Variants in TGM2 observed in about 807,000 individuals in gnomAD.
TGM2 encodes protein-glutamine gamma-glutamyltransferase 2.
A neutral mutation model predicts 75.6 loss-of-function variants in TGM2; 53 were observed. That is an observed-to-expected ratio of 0.70 (90% CI 0.56 to 0.88). TGM2 has a LOEUF of 0.88. Among genes scored for constraint, TGM2 ranks in the 40% least tolerant of loss-of-function variants. The pLI, the probability that TGM2 is intolerant of heterozygous loss-of-function variation, is 0.00. For synonymous variants in TGM2, 374 were observed against 381.1 expected (o/e 0.98, Z 0.22); for missense variants, 842 against 928.5 (o/e 0.91, Z 1.21).
chr20:38,155,702 G>C, intron 3 of TGM2, 145 bp downstream of exon 3: 1 of 1,302,698 alleles, frequency 7.7e-7, no homozygotes, highest in Non-Finnish European at 1.0e-6. Context: ...TGAGGGTTTT[G>C]TGAGGCTGGA....
At chr20:38,161,373 AGTG>A (rs372765546) in intron 2 of TGM2, 44 bp downstream of exon 2, 1,406 of 1,561,324 alleles carry the variant, frequency 9.0e-4, no homozygotes, top group Non-Finnish European at 1.0e-3. Flanking sequence ...GTGGAGAGGA[AGTG>A]GTGGTGGTGG....
intron 6 of TGM2, among the ~76,000 whole-genome samples, chr20:38,143,383 A>T (rs992542506): frequency 3.9e-5 from 6 of 152,198 alleles, no homozygotes; most frequent in African/African-American, 1.2e-4. Flanking sequence ...GTACAAGAAC[A>T]CGGATGCACG....
chr20:38,168,362 C>A (rs2075325753), upstream of TGM2, among the ~76,000 whole-genome samples: 2 of 152,210 alleles, frequency 1.3e-5, no homozygotes, highest in African/African-American at 2.4e-5. Context: ...GGAAACTGTG[C>A]CCTGTCTTAC....
chr20:38,158,236 T>C (rs2075211263), intron 2 of TGM2, among the ~76,000 whole-genome samples: 1 of 152,210 alleles, frequency 6.6e-6, no homozygotes, highest in South Asian at 2.1e-4. Flanking sequence ...GGGGCAGCCA[T>C]GCACACACAC....
intron 4 of TGM2, among the ~76,000 whole-genome samples, chr20:38,148,724 G>C (rs2075077170): frequency 6.6e-6 from 1 of 152,120 alleles, no homozygotes; most frequent in African/African-American, 2.4e-5. Context: ...ACTCTGCCCA[G>C]GCTCACTGCC....
At chr20:38,131,936 G>A (rs994896324) in intron 11 of TGM2, among the ~76,000 whole-genome samples, 2 of 152,048 alleles carry the variant, frequency 1.3e-5, no homozygotes, top group Admixed American at 1.3e-4. Context: ...CTGAGGCACA[G>A]AGGGGCAAAC....
At chr20:38,142,534 C>T (rs565955944) in intron 6 of TGM2, among the ~76,000 whole-genome samples, 1 of 152,218 alleles carries the variant, frequency 6.6e-6, no homozygotes, top group South Asian at 2.1e-4. Flanking sequence ...GGTGAAACCC[C>T]GTCTCTACTA....
intron 10 of TGM2, among the ~76,000 whole-genome samples, chr20:38,136,845 CCT>C (rs1343880438): frequency 6.6e-6 from 1 of 152,160 alleles, no homozygotes; most frequent in Non-Finnish European, 1.5e-5. Context: ...GGCCACGGCT[CCT>C]CTGAGGGCCT....
rs150712844 is a variant in TGM2 at position 38,132,341 on chromosome 20, C to T, written c.1775G>A (p.Arg592Gln). The T allele has an allele frequency of 5.3e-5, 86 of 1,613,956 alleles. No individual in the cohort carries two copies. Among genetic ancestry groups the T allele is most frequent in the African/African-American group, 5.2e-4 (39 of 74,892 alleles). Residue 592 changes from arginine (R) to glutamine (Q), a missense_variant and splice_region_variant, in exon 11 of 13, where the codon CGG becomes CAG. By Grantham distance (43) the Arg-to-Gln change is conservative. Transcript: ENST00000361475. Reference protein sequence around the residue: ...LYLENPEIKIRILGEPKQKRK... With the variant: ...LYLENPEIKIQILGEPKQKRK... ...GCCCCTTGCCCAGCCTGCCCTTACC[C>T]GGATCTTGATTTCTGGATTCTCCAG...
At chr20:38,157,655 A>G (rs898157122) in intron 2 of TGM2, among the ~76,000 whole-genome samples, 2 of 152,192 alleles carry the variant, frequency 1.3e-5, no homozygotes, top group African/African-American at 2.4e-5. Flanking sequence ...GGTTGTTGTG[A>G]AGCTTAAAGA....
upstream of TGM2, chr20:38,165,297 A>G (rs1264156947): frequency 4.5e-6 from 7 of 1,564,870 alleles, no homozygotes; most frequent in South Asian, 1.1e-5. Context: ...GCGCTAACTT[A>G]TAGCCCGCTT....
chr20:38,131,150 C>T lies in TGM2; in HGVS notation c.1856G>A (p.Gly619Asp), dbSNP rs371812638. The change falls in exon 12 of 13, where the codon GGC becomes GAC. Residue 619 changes from glycine to aspartate, a missense_variant. Physicochemically the swap from Gly to Asp is moderately conservative, Grantham distance 94. Transcript: ENST00000361475. ...GGCCCCCTCCACAGTGAAGGTGCAGCCTTCCAGGGCCACAGGGAGCGGGTT... is the reference window on the plus strand; with the variant it reads ...GGCCCCCTCCACAGTGAAGGTGCAGTCTTCCAGGGCCACAGGGAGCGGGTT... The part of the protein sequence containing the change: ...LQNPLPVALE[G>D]CTFTVEGAGL... 69 of 1,613,676 alleles carry T rather than the reference C, an allele frequency of 4.3e-5. No homozygotes were observed. The highest frequency in any genetic ancestry group is 5.6e-5 in the Non-Finnish European group (66 of 1,180,018).
chr20:38,153,102 G>A (rs1230692818), intron 3 of TGM2, among the ~76,000 whole-genome samples: 1 of 152,180 alleles, frequency 6.6e-6, no homozygotes, highest in African/African-American at 2.4e-5. Context: ...CACAGGGTAT[G>A]AAGCAAGGGT....
chr20:38,147,967 A>ACT lies in TGM2; in HGVS notation c.673_674dup (p.Ser225ArgfsTer65). On this transcript the variant is annotated frameshift_variant, in exon 5 of 13. Transcript: ENST00000361475. LOFTEE classifies it high-confidence loss of function. ...GGCCATGCCACTCACTCACCATGCC[A>ACT]CTCACCACCCGGCCCACGTAGACGG... 6.2e-7 allele frequency: 1 copy of ACT among 1,610,828 alleles called. No homozygotes were observed. Among genetic ancestry groups the ACT allele is most frequent in the Non-Finnish European group, 8.5e-7 (1 of 1,179,162 alleles).
chr20:38,142,812 T>C (rs2074992392), intron 6 of TGM2, among the ~76,000 whole-genome samples: 1 of 152,258 alleles, frequency 6.6e-6, no homozygotes, highest in Non-Finnish European at 1.5e-5. Context: ...CCATGGCCCT[T>C]GGCCCTGCAG....
At position 38,156,054 on chromosome 20, in the gene TGM2, G is replaced by A. The variant is rs376510500; in HGVS notation, c.226C>T (p.Arg76Cys). ...TCCACAGCATCTCTTAGTGGAAAAC[G>A]GGCCTTGGTCCCGGCCTCCTGGCTA... ...APSQEAGTKA[R>C]FPLRDAVEEG... The change falls in exon 3 of 13, where the codon CGT becomes TGT. Residue 76 changes from arginine (R) to cysteine (C), a missense_variant. Transcript: ENST00000361475. 31 of 1,613,586 alleles carry A rather than the reference G, an allele frequency of 1.9e-5. No individual in the cohort carries two copies. The highest frequency in any genetic ancestry group is 3.3e-4 in the Middle Eastern group (2 of 6,028).
At chr20:38,159,462 C>T (rs952410440) in intron 2 of TGM2, among the ~76,000 whole-genome samples, 2 of 151,776 alleles carry the variant, frequency 1.3e-5, no homozygotes, top group South Asian at 2.1e-4. Context: ...CCCCGTGACA[C>T]GAGTTTACCT....
In TGM2 at chr20:38,141,184, G is replaced by A. The variant is rs1215120841; in HGVS notation, c.1099+98C>T. 5.3e-6 allele frequency: 5 copies of A among 943,262 alleles called. No individual in the cohort carries two copies. In the African/African-American group the frequency reaches 6.5e-5, roughly 12 times the overall value. The allele number at this position is 943,262 out of a possible 1,614,324, so 58.4% of individuals were successfully genotyped here. A position where few individuals can be genotyped will look rare whatever the true frequency, so the allele number is the denominator to read the frequency against. On this transcript the variant is annotated intron_variant, in intron 8 of 12. Transcript: ENST00000361475. ...TCTGTGGACCCATCAGTGGTCTCCG[G>A]GTGAGCTCCTAGTTCTGCCGCCCTC... is the stretch of plus-strand genomic sequence containing the variant.
At chr20:38,148,873 A>G (rs1375360256) in intron 4 of TGM2, among the ~76,000 whole-genome samples, 1 of 152,020 alleles carries the variant, frequency 6.6e-6, no homozygotes, top group East Asian at 1.9e-4. Flanking sequence ...CTTCCACTGG[A>G]CCACCCACCT....
Sources: allele counts gnomAD v4.1 joint callset (sites outside exome capture counted in the v4.1 genomes callset), GRCh38; gene constraint gnomAD v4.1.1; transcripts MANE v1.5; gene names NCBI Gene and HGNC (gene_info 2026-07-23, HGNC 2026-07-21).